Variants in ARSJ observed in about 807,000 individuals in gnomAD.
The protein encoded by ARSJ is arylsulfatase family member J, also known as arylsulfatase J.
ARSJ carries 26 observed loss-of-function variants against 35.9 expected under a neutral mutation model. The ratio of observed to expected loss-of-function variants is 0.72; its 90% confidence interval spans 0.53 to 1.00. ARSJ has a LOEUF of 1.00. Ranked by LOEUF, ARSJ falls within the 50% of genes least tolerant of loss-of-function variation. ARSJ has a pLI of 0.00. For missense variants in ARSJ, 667 were observed against 723.6 expected (o/e 0.92, Z 0.90); for synonymous variants, 294 against 267.6 (o/e 1.10, Z -0.96).
chr4:113,977,885 G>A (rs1562383033), intron 1 of ARSJ, among the ~76,000 whole-genome samples: 1 of 152,084 alleles, frequency 6.6e-6, no homozygotes, highest in Non-Finnish European at 1.5e-5. Context: ...AATTAAATAT[G>A]GCCTTCATTA....
chr4:113,964,448 C>A (rs1726761322), intron 1 of ARSJ, among the ~76,000 whole-genome samples: 1 of 151,932 alleles, frequency 6.6e-6, no homozygotes, highest in Admixed American at 6.6e-5. Context: ...ATTACTAAGC[C>A]TAAAATAAGA....
At chr4:113,959,473 C>T (rs11098216) in intron 1 of ARSJ, among the ~76,000 whole-genome samples, 6,978 of 151,958 alleles carry the variant, frequency 0.046, 537 homozygotes, top group African/African-American at 0.15. Context: ...AACCTGTGAA[C>T]GATTTCACAG....
chr4:113,938,475 A>G (rs1047406474), intron 1 of ARSJ, among the ~76,000 whole-genome samples: 16 of 152,082 alleles, frequency 1.1e-4, no homozygotes, highest in African/African-American at 3.4e-4. Context: ...GGACATAGGC[A>G]TGGGCAAAGA....
In ARSJ at chr4:113,964,894, T is replaced by C. The variant is rs868776938; in HGVS notation, c.398+13543A>G. Among the ~76,000 whole-genome samples, 47 of 152,210 alleles carry C rather than the reference T, an allele frequency of 3.1e-4. No homozygotes were observed. In the Middle Eastern group the frequency reaches 0.014, roughly 44 times the overall value. ...CTTATACATTGCTCTATTATATACA[T>C]CTTACAGTCCTAAATATCTAATTGT... is the stretch of plus-strand genomic sequence containing the variant. On this transcript the variant is annotated intron_variant, in intron 1 of 1. Coordinates refer to ENST00000315366, the MANE Select transcript of ARSJ (RefSeq NM_024590.4).
intron 1 of ARSJ, among the ~76,000 whole-genome samples, chr4:113,952,565 C>T (rs1198876858): frequency 6.6e-6 from 1 of 152,020 alleles, no homozygotes; most frequent in East Asian, 1.9e-4. Context: ...AGTCTGTTAA[C>T]CCATGAAACC....
At chr4:113,945,934 G>C (rs1376598555) in intron 1 of ARSJ, among the ~76,000 whole-genome samples, 1 of 151,964 alleles carries the variant, frequency 6.6e-6, no homozygotes, top group African/African-American at 2.4e-5. Context: ...AAAAATGTCA[G>C]TTTGTTCATA....
At chr4:113,975,959 C>T (rs1727565388) in intron 1 of ARSJ, among the ~76,000 whole-genome samples, 1 of 152,102 alleles carries the variant, frequency 6.6e-6, no homozygotes, top group South Asian at 2.1e-4. Flanking sequence ...GAACTACTAT[C>T]CAGAGATTAG....
At chr4:113,912,794 G>A (rs1409849000) in intron 1 of ARSJ, among the ~76,000 whole-genome samples, 2 of 151,356 alleles carry the variant, frequency 1.3e-5, no homozygotes, top group Non-Finnish European at 2.9e-5. Context: ...AAGAAAAAAT[G>A]TATACATATA....
chr4:113,902,234 A>C lies in ARSJ; in HGVS notation c.*40T>G, dbSNP rs1193748653. 1 of 1,602,216 alleles carries C rather than the reference A, an allele frequency of 6.2e-7. No homozygotes were observed. Reference sequence around the variant, plus strand: ...TTACCTAGGAAACAGATGAAAGATAAGAACTGATTAAAGTTTAACCAAACA... The same window carrying C: ...TTACCTAGGAAACAGATGAAAGATACGAACTGATTAAAGTTTAACCAAACA... On this transcript the variant is annotated 3_prime_UTR_variant, in exon 2 of 2. Coordinates refer to ENST00000315366, the MANE Select transcript of ARSJ (RefSeq NM_024590.4).
Position 113,902,425 on chromosome 4 carries a change from A to AC in ARSJ, c.1648dup (p.Val550GlyfsTer7), listed in dbSNP as rs1167011374. ...TTCCTCTTTATACCATGGTCCCCAG[A>AC]CCCCTCCATTGAGCCTAGGGTTACT... On this transcript the variant is annotated frameshift_variant, in exon 2 of 2. Coordinates refer to ENST00000315366, the MANE Select transcript of ARSJ (RefSeq NM_024590.4). LOFTEE classifies it low-confidence loss of function (END_TRUNC). The AC allele has an allele frequency of 1.2e-6, 2 of 1,613,272 alleles. No homozygotes were observed. The highest frequency in any genetic ancestry group is 2.7e-5 in the African/African-American group (2 of 74,618).
chr4:113,931,617 C>T (rs576387672), intron 1 of ARSJ, among the ~76,000 whole-genome samples: 4 of 152,072 alleles, frequency 2.6e-5, no homozygotes, highest in Admixed American at 2.6e-4. Context: ...TTTTGGAGTC[C>T]GGAGAGGTTA....
At chr4:113,944,557 G>A (rs17620880) in intron 1 of ARSJ, among the ~76,000 whole-genome samples, 8,287 of 152,010 alleles carry the variant, frequency 0.055, 297 homozygotes, top group East Asian at 0.11. Context: ...ATCTAGAAAC[G>A]GGCAAAAGAG....
intron 1 of ARSJ, among the ~76,000 whole-genome samples, chr4:113,912,133 C>A (rs78052803): frequency 6.6e-6 from 1 of 152,056 alleles, no homozygotes; most frequent in Non-Finnish European, 1.5e-5. Context: ...AGGCAGTAGG[C>A]GAATTCATGG....
In ARSJ at chr4:113,964,906, A is replaced by C. The variant is rs192820450; in HGVS notation, c.398+13531T>G. Among the ~76,000 whole-genome samples, 6 of 152,238 alleles carry C rather than the reference A, an allele frequency of 3.9e-5. No individual in the cohort carries two copies. The East Asian group carries it at 1.2e-3, about 29-fold the overall frequency. On this transcript the variant is annotated intron_variant, in intron 1 of 1. Transcript: ENST00000315366. The stretch of plus-strand genomic sequence containing the variant: ...TCTATTATATACATCTTACAGTCCT[A>C]AATATCTAATTGTTAATATTTGTTA...
intron 1 of ARSJ, among the ~76,000 whole-genome samples, chr4:113,964,692 GGA>G (rs1473525164): frequency 6.6e-6 from 1 of 152,166 alleles, no homozygotes; most frequent in Middle Eastern, 3.4e-3. Flanking sequence ...AAATCACCAT[GGA>G]GCGTTAAAGA....
chr4:113,963,151 C>G (rs1268862392), intron 1 of ARSJ, among the ~76,000 whole-genome samples: 2 of 151,926 alleles, frequency 1.3e-5, no homozygotes, highest in Admixed American at 1.3e-4. Flanking sequence ...GCATGTCACC[C>G]TCTAGCATAC....
chr4:113,902,271 T>C lies in ARSJ; in HGVS notation c.*3A>G. On this transcript the variant is annotated 3_prime_UTR_variant, in exon 2 of 2. Transcript: ENST00000315366. Reference sequence around the variant, plus strand: ...AGTTTAACCAAACAGGAAATATTTGTGCTTATCCACAAGTAACACCTGAAT... The same window carrying C: ...AGTTTAACCAAACAGGAAATATTTGCGCTTATCCACAAGTAACACCTGAAT... The C allele has an allele frequency of 6.2e-7, 1 of 1,608,486 alleles. No homozygotes were observed. The highest frequency in any genetic ancestry group is 8.5e-7 in the Non-Finnish European group (1 of 1,180,012).
At chr4:113,941,606 T>C (rs564066557) in intron 1 of ARSJ, among the ~76,000 whole-genome samples, 4 of 152,014 alleles carry the variant, frequency 2.6e-5, no homozygotes, top group Non-Finnish European at 5.9e-5. Flanking sequence ...GTCATTTAAT[T>C]CAAATTCAAC....
chr4:113,959,123 T>C (rs1726381804), intron 1 of ARSJ, among the ~76,000 whole-genome samples: 1 of 152,080 alleles, frequency 6.6e-6, no homozygotes, highest in Non-Finnish European at 1.5e-5. Flanking sequence ...GAAGAGAACA[T>C]TTCTTTTCAG....
Sources: gnomAD v4.1 joint callset for allele counts (sites outside exome capture counted in the v4.1 genomes callset) on GRCh38, gnomAD v4.1.1 for gene constraint, MANE v1.5 for transcripts, NCBI Gene and HGNC (gene_info 2026-07-23, HGNC 2026-07-21) for gene names.